The following CASQ1 variants were observed in gnomAD, a reference collection of about 807,000 sequenced individuals.
CASQ1 encodes calsequestrin-1.
A neutral mutation model predicts 49.5 loss-of-function variants in CASQ1; 40 were observed. The ratio of observed to expected loss-of-function variants is 0.81; its 90% CI spans 0.63 to 1.05. The LOEUF is 1.05. Ranked by LOEUF, CASQ1 falls within the 50% of genes least tolerant of loss-of-function variation. The pLI, the probability that CASQ1 is intolerant of heterozygous loss-of-function variation, is 0.00. For missense variants in CASQ1, 469 were observed against 486.9 expected, an observed-to-expected ratio of 0.96 and a Z score of 0.35; for synonymous variants, 174 against 187.2, an observed-to-expected ratio of 0.93 and a Z score of 0.58.
intron 2 of CASQ1, 110 bp downstream of exon 2, chr1:160,192,996 C>T: frequency 1.2e-6 from 1 of 826,214 alleles, no homozygotes; most frequent in Non-Finnish European, 2.1e-6. Flanking sequence ...GGGAATCTCT[C>T]AGATTTATGT....
Position 160,190,751 on chromosome 1 carries a change from C to CATGAGTG in CASQ1, c.1_7dup (p.Ala3AspfsTer42), listed in dbSNP as rs1394638089. 5 of 1,612,946 alleles carry CATGAGTG rather than the reference C, an allele frequency of 3.1e-6. No homozygotes were observed. The highest frequency in any genetic ancestry group is 3.4e-6 in the Non-Finnish European group (4 of 1,179,106). On this transcript the variant is annotated 5_prime_UTR_variant, in exon 1 of 11. It adds an upstream start codon to the 5' untranslated region. Transcript: ENST00000368078. ...GAGCCAACCCAGATCCCACTACCTC[C>CATGAGTG]ATGAGTGCTACAGACAGGATGGGGC...
Position 160,194,450 on chromosome 1 carries a change from C to A in CASQ1, c.466-562C>A, listed in dbSNP as rs965610463. ...ATGCACACCACACACACAACACACA[C>A]CACACACACCCATCCATACACACCA... On this transcript the variant is annotated intron_variant, in intron 3 of 10. Transcript: ENST00000368078. Among the ~76,000 whole-genome samples the A allele has an allele frequency of 4.9e-4, 7 of 14,388 alleles. No individual in the cohort carries two copies. The Non-Finnish European group carries it at 7.1e-3, about 15-fold the overall frequency. 9.4% of individuals were successfully genotyped at this position (14,388 alleles called of 152,430 possible).
rs745773623 is a variant in CASQ1 at position 160,201,282 on chromosome 1, A to G, written c.1097A>G (p.Asp366Gly). The change falls in exon 11 of 11, where the codon GAC (aspartate) becomes GGC (glycine). Residue 366 changes from aspartate (D) to glycine (G), a missense_variant. Coordinates refer to ENST00000368078, the MANE Select transcript of CASQ1 (RefSeq NM_001231.5). ...SVWMEMDDEEDLPSAEELEDW... is the reference protein window; with the variant it reads ...SVWMEMDDEEGLPSAEELEDW... ...TGGATGGAAATGGACGATGAGGAGG[A>G]CCTGCCTTCTGCTGAGGAGCTGGAG... The G allele has an allele frequency of 2.0e-5, 32 of 1,613,602 alleles. No individual in the cohort carries two copies. Among genetic ancestry groups the G allele is most frequent in the Non-Finnish European group, 2.7e-5 (32 of 1,179,818 alleles).
Position 160,201,736 on chromosome 1 carries a change from C to T in CASQ1, c.*360C>T. 1 of 299,322 alleles carries T rather than the reference C, an allele frequency of 3.3e-6. No homozygotes were observed. Among genetic ancestry groups the T allele is most frequent in the South Asian group, 4.4e-5 (1 of 22,758 alleles). 18.5% of individuals were successfully genotyped at this position (299,322 alleles called of 1,614,324 possible). A position where few individuals can be genotyped will look rare whatever the true frequency, so the allele number is the denominator to read the frequency against. On this transcript the variant is annotated 3_prime_UTR_variant, in exon 11 of 11. Transcript: ENST00000368078. Reference sequence around the variant, plus strand: ...CCTCCATCTATGCACAGCTTTCCCCCACTCTCTCTAATCCTGTATCTTTCT... The same window carrying T: ...CCTCCATCTATGCACAGCTTTCCCCTACTCTCTCTAATCCTGTATCTTTCT...
chr1:160,193,882 A>G, intron 3 of CASQ1, 35 bp downstream of exon 3: 1 of 1,419,536 alleles, frequency 7.0e-7, no homozygotes, highest in Non-Finnish European at 1.0e-6. Flanking sequence ...GCCTTGCTTG[A>G]AAACTCCACT....
At position 160,190,791 on chromosome 1, in the gene CASQ1, G is replaced by C; in HGVS notation, c.40G>C (p.Gly14Arg). The change falls in exon 1 of 11, where the codon GGT (glycine) becomes CGT (arginine). Residue 14 changes from glycine (G) to arginine (R), a missense_variant. Gly to Arg is a moderately radical substitution (Grantham distance 125, BLOSUM62 -2). Transcript: ENST00000368078. ...TDRMGPRAVP[G>R]LRLALLLLLV... The stretch of plus-strand genomic sequence containing the variant: ...CAGGATGGGGCCCAGAGCTGTGCCG[G>C]GTCTGCGGCTGGCACTGCTGTTGCT... 6.2e-7 allele frequency: 1 copy of C among 1,614,150 alleles called. No individual in the cohort carries two copies. Among genetic ancestry groups the C allele is most frequent in the South Asian group, 1.1e-5 (1 of 91,084 alleles).
Position 160,192,786 on chromosome 1 carries a change from T to A in CASQ1, c.280-16T>A. On this transcript the variant is annotated splice_polypyrimidine_tract_variant and intron_variant, in intron 1 of 10. Transcript: ENST00000368078. ...AAATTCCAGGGGCTAATTTTAATCA[T>A]AATCCTTCCCTCCAGTTAGCAGCCC... 6.2e-7 allele frequency: 1 copy of A among 1,611,780 alleles called. No individual in the cohort carries two copies. The highest frequency in any genetic ancestry group is 8.5e-7 in the Non-Finnish European group (1 of 1,177,988).
At chr1:160,194,599 GCACACACCACATGCACACTCCACACGTA>G (rs1654168191) in intron 3 of CASQ1, among the ~76,000 whole-genome samples, 1 of 119,688 alleles carries the variant, frequency 8.4e-6, no homozygotes. Context: ...CTACACACAT[GCACACACCACATGCACACTCCACACGTA>G]CACACACCAC....
rs1400158768 is a variant in CASQ1 at position 160,191,103 on chromosome 1, T to G, written c.279+73T>G. The G allele has an allele frequency of 8.6e-6, 13 of 1,506,470 alleles. No individual in the cohort carries two copies. In the African/African-American group the frequency reaches 1.5e-4, roughly 17 times the overall value. 93.3% of individuals were successfully genotyped at this position (1,506,470 alleles called of 1,614,324 possible). ...CGGAATCCCCTATCCTACACCCATGTAGCTCTTTGAGGATGGGATCTGGGG... is the reference window on the plus strand; with the variant it reads ...CGGAATCCCCTATCCTACACCCATGGAGCTCTTTGAGGATGGGATCTGGGG... On this transcript the variant is annotated intron_variant, in intron 1 of 10. Transcript: ENST00000368078.
At chr1:160,198,527 A>C (rs1654296610) in intron 7 of CASQ1, 150 bp from the exon 8 acceptor site, 8 of 609,494 alleles carry the variant, frequency 1.3e-5, no homozygotes, top group East Asian at 5.5e-5. Context: ...AACAAACCCC[A>C]AAAAACGAAA....
In CASQ1 at chr1:160,197,633, G is replaced by T; in HGVS notation, c.828+19G>T. 1 of 1,584,668 alleles carries T rather than the reference G, an allele frequency of 6.3e-7. No homozygotes were observed. Among genetic ancestry groups the T allele is most frequent in the Non-Finnish European group, 8.7e-7 (1 of 1,153,290 alleles). On this transcript the variant is annotated intron_variant, in intron 7 of 10. Coordinates refer to ENST00000368078, the MANE Select transcript of CASQ1 (RefSeq NM_001231.5). Reference sequence around the variant, plus strand: ...GACCTGGGTGAGTGCCCCTGGCCAGGGTCAAGCCCTCAGGGAAGCATGGGT... The same window carrying T: ...GACCTGGGTGAGTGCCCCTGGCCAGTGTCAAGCCCTCAGGGAAGCATGGGT...
chr1:160,197,480 T>G, intron 6 of CASQ1, 89 bp from the exon 7 acceptor site: 1 of 925,768 alleles, frequency 1.1e-6, no homozygotes, highest in South Asian at 1.3e-5. Context: ...GCCCTGGGCC[T>G]GACCTAGAGG....
chr1:160,193,737 C>G lies in CASQ1; in HGVS notation c.365-10C>G, dbSNP rs377324996. On this transcript the variant is annotated splice_polypyrimidine_tract_variant and intron_variant, in intron 2 of 10. Transcript: ENST00000368078. ...CACTACCCCACCCCTGCGCCCGGCT[C>G]ACTCCCTAGGCCTAACTGAAGTGGA... 7.8e-6 allele frequency: 12 copies of G among 1,536,724 alleles called. No individual in the cohort carries two copies. Among genetic ancestry groups the G allele is most frequent in the Non-Finnish European group, 9.8e-6 (11 of 1,117,382 alleles).
chr1:160,190,626 C>G lies in CASQ1; in HGVS notation c.-126C>G. The G allele has an allele frequency of 1.1e-6, 1 of 879,938 alleles. No homozygotes were observed. Among genetic ancestry groups the G allele is most frequent in the African/African-American group, 1.7e-5 (1 of 59,522 alleles). The allele number at this position is 879,938 out of a possible 1,614,324, so 54.5% of individuals were successfully genotyped here. A position where few individuals can be genotyped will look rare whatever the true frequency, so the allele number is the denominator to read the frequency against. On this transcript the variant is annotated 5_prime_UTR_variant, in exon 1 of 11. Transcript: ENST00000368078. ...CCAGCAGTGCCCTCTGTCCACTGCT[C>G]TGGGCCATTCCCCAATCCCCCCTCC... is the stretch of plus-strand genomic sequence containing the variant.
At position 160,195,938 on chromosome 1, in the gene CASQ1, C is replaced by T; in HGVS notation, c.693C>T (p.Phe231=). Residue 231 remains phenylalanine, a synonymous_variant, in exon 6 of 11, where the codon TTC becomes TTT. Coordinates refer to ENST00000368078, the MANE Select transcript of CASQ1 (RefSeq NM_001231.5). ...KLTLKLNEID[F]YEAFMEEPVT... is the part of the protein sequence containing the mutation. ...CCCTGAAGCTGAATGAGATTGATTTCTACGAGGCCTTCATGGAAGAGCCTG... is the reference window on the plus strand; with the variant it reads ...CCCTGAAGCTGAATGAGATTGATTTTTACGAGGCCTTCATGGAAGAGCCTG... 6.2e-7 allele frequency: 1 copy of T among 1,614,130 alleles called. No individual in the cohort carries two copies. The highest frequency in any genetic ancestry group is 8.5e-7 in the Non-Finnish European group (1 of 1,179,984).
At chr1:160,192,059 T>C (rs1009719820) in intron 1 of CASQ1, among the ~76,000 whole-genome samples, 8 of 151,898 alleles carry the variant, frequency 5.3e-5, no homozygotes, top group African/African-American at 1.7e-4. Context: ...TGAGTGGGGG[T>C]AGAGCTGCAA....
chr1:160,192,038 T>C (rs1654087896), intron 1 of CASQ1, among the ~76,000 whole-genome samples: 1 of 152,298 alleles, frequency 6.6e-6, no homozygotes, highest in South Asian at 2.1e-4. Flanking sequence ...TCACAGTACC[T>C]GAGTCTGTGC....
chr1:160,201,172 C>T (rs1654361661), intron 10 of CASQ1, 73 bp from the exon 11 acceptor site: 1 of 1,475,000 alleles, frequency 6.8e-7, no homozygotes, highest in Admixed American at 1.9e-5. Flanking sequence ...TGTACAGAGT[C>T]CAGTGAGTGG....
chr1:160,191,693 C>T (rs1389622724), intron 1 of CASQ1, among the ~76,000 whole-genome samples: 29 of 152,130 alleles, frequency 1.9e-4, no homozygotes, highest in Non-Finnish European at 4.4e-5. Context: ...AGTCTCCTCA[C>T]CTCCAAAATG....
Sources: allele counts gnomAD v4.1 joint callset (sites outside exome capture counted in the v4.1 genomes callset), GRCh38; gene constraint gnomAD v4.1.1; transcripts MANE v1.5; gene names NCBI Gene and HGNC (gene_info 2026-07-23, HGNC 2026-07-21).